Variants in TMPRSS15 observed in about 807,000 individuals in gnomAD.
TMPRSS15 encodes the protein enteropeptidase.
TMPRSS15 carries 128 observed loss-of-function variants against 125.3 expected under a neutral mutation model. The ratio of observed to expected loss-of-function variants is 1.02; its 90% confidence interval spans 0.89 to 1.18. TMPRSS15 has a LOEUF of 1.18. Ranked by LOEUF, TMPRSS15 falls within the 50% of genes most tolerant of loss-of-function variation. The pLI is 0.00. For synonymous variants in TMPRSS15, 446 were observed against 423.2 expected, an observed-to-expected ratio of 1.05 and a Z score of -0.66; for missense variants, 1,283 against 1,212.7, an observed-to-expected ratio of 1.06 and a Z score of -0.86.
chr21:18,306,526 A>G lies in TMPRSS15; in HGVS notation c.2165+6419T>C, dbSNP rs188667739. Among the ~76,000 whole-genome samples, 133 of 152,314 alleles carry G rather than the reference A, an allele frequency of 8.7e-4. 1 individual carries two copies. Among genetic ancestry groups the G allele is most frequent in the African/African-American group, 3.2e-3 (132 of 41,578 alleles). On this transcript the variant is annotated intron_variant, in intron 18 of 24. Transcript: ENST00000284885. ...GCTCAATTTGATGTTCCTGATATTT[A>G]GAAGTATCTTGGACAGGACTAATAT...
At chr21:18,430,368 T>G (rs1403089520) in intron 1 of TMPRSS15, among the ~76,000 whole-genome samples, 4 of 152,164 alleles carry the variant, frequency 2.6e-5, no homozygotes, top group Admixed American at 2.0e-4. Context: ...CCTTGGGTAA[T>G]TTTATGTTGC....
chr21:18,279,027 T>G lies in TMPRSS15; in HGVS notation c.2701A>C (p.Asn901His). 1 of 1,602,274 alleles carries G rather than the reference T, an allele frequency of 6.2e-7. No homozygotes were observed. The highest frequency in any genetic ancestry group is 8.5e-7 in the Non-Finnish European group (1 of 1,171,634). The change falls in exon 23 of 25, where the codon AAT becomes CAT. Residue 901 changes from asparagine (N) to histidine (H), a missense_variant. By Grantham distance (68) the Asn-to-His change is moderately conservative. Transcript: ENST00000284885. ...TTTCTTCCTGGAGGAAAAACTTGAT[T>G]TTCTTCCGGTAAACAAATAGGTTGT... Reference protein sequence around the residue: ...YIQPICLPEENQVFPPGRNCS... With the variant: ...YIQPICLPEEHQVFPPGRNCS...
intron 8 of TMPRSS15, among the ~76,000 whole-genome samples, chr21:18,359,363 T>TA (rs1199152213): frequency 2.6e-5 from 4 of 152,084 alleles, no homozygotes; most frequent in East Asian, 3.9e-4. Context: ...AGGATGAACA[T>TA]AAAAAATGAC....
chr21:18,407,766 A>G (rs1329670801), upstream of TMPRSS15, among the ~76,000 whole-genome samples: 3 of 152,210 alleles, frequency 2.0e-5, no homozygotes, highest in Non-Finnish European at 4.4e-5. Context: ...GGAGAATAAG[A>G]TAATTATTTT....
chr21:18,443,577 C>T (rs992326545), intron 1 of TMPRSS15, among the ~76,000 whole-genome samples: 1 of 152,326 alleles, frequency 6.6e-6, no homozygotes, highest in Admixed American at 6.5e-5. Context: ...CCTCTACAAG[C>T]CTTGTGCCCT....
intron 18 of TMPRSS15, among the ~76,000 whole-genome samples, chr21:18,309,252 TAACTC>T (rs1568997975): frequency 6.6e-6 from 1 of 151,918 alleles, no homozygotes; most frequent in Non-Finnish European, 1.5e-5. Flanking sequence ...ATACAAAAAT[TAACTC>T]AAGATGGATT....
intron 1 of TMPRSS15, among the ~76,000 whole-genome samples, chr21:18,458,617 C>T (rs1344078771): frequency 2.0e-5 from 3 of 152,128 alleles, no homozygotes; most frequent in Non-Finnish European, 4.4e-5. Flanking sequence ...AGAGATGAGC[C>T]TGTCACTAAC....
chr21:18,444,252 G>T (rs2076249994), intron 1 of TMPRSS15, among the ~76,000 whole-genome samples: 1 of 152,166 alleles, frequency 6.6e-6, no homozygotes, highest in South Asian at 2.1e-4. Context: ...ATTAACGGAA[G>T]ACTGGATAAA....
intron 21 of TMPRSS15, among the ~76,000 whole-genome samples, chr21:18,289,006 A>G (rs10222073): frequency 0.81 from 122,461 of 151,986 alleles, 49,567 homozygotes; most frequent in Non-Finnish European, 0.83. Context: ...TTTTAGGATA[A>G]GTTTAAGAAG....
intron 5 of TMPRSS15, among the ~76,000 whole-genome samples, chr21:18,373,590 A>C (rs988090162): frequency 6.6e-6 from 1 of 152,218 alleles, no homozygotes; most frequent in Non-Finnish European, 1.5e-5. Context: ...TTTATAAATA[A>C]ATAAACCAAA....
chr21:18,419,096 T>C (rs9977336), intron 1 of TMPRSS15, among the ~76,000 whole-genome samples: 15,209 of 152,224 alleles, frequency 0.1, 1,735 homozygotes, highest in African/African-American at 0.28. Flanking sequence ...TATCTAATAG[T>C]TGCTGAAGCA....
At chr21:18,335,573 C>T (rs2824747) in intron 13 of TMPRSS15, among the ~76,000 whole-genome samples, 27,042 of 152,128 alleles carry the variant, frequency 0.18, 2,548 homozygotes, top group African/African-American at 0.25. Context: ...AAAATGCATC[C>T]CTTTAAAATA....
chr21:18,403,460 C>A lies in TMPRSS15; in HGVS notation c.145+18G>T. ...TTCAGCTGAGAGCACCTTCACGAGC[C>A]AACTCCATGTGACTTACCTCGTTGG... On this transcript the variant is annotated intron_variant, in intron 1 of 24. Coordinates refer to ENST00000284885, the MANE Select transcript of TMPRSS15 (RefSeq NM_002772.3). The A allele has an allele frequency of 6.2e-7, 1 of 1,614,062 alleles. No homozygotes were observed. The highest frequency in any genetic ancestry group is 1.3e-5 in the African/African-American group (1 of 75,034).
At chr21:18,374,479 C>A (rs1232186313) in intron 5 of TMPRSS15, among the ~76,000 whole-genome samples, 45 of 59,914 alleles carry the variant, frequency 7.5e-4, no homozygotes, top group South Asian at 1.9e-3. Flanking sequence ...GACTCCGTCT[C>A]AAAAAAAAAA....
intron 1 of TMPRSS15, among the ~76,000 whole-genome samples, chr21:18,434,486 A>G (rs13051177): frequency 0.49 from 75,055 of 151,780 alleles, 19,068 homozygotes; most frequent in Non-Finnish European, 0.55. Context: ...ATTTCTCTTA[A>G]AGAAGATAAC....
intron 8 of TMPRSS15, among the ~76,000 whole-genome samples, chr21:18,357,721 A>G (rs527640843): frequency 1.1e-4 from 16 of 151,930 alleles, no homozygotes; most frequent in African/African-American, 3.9e-4. Flanking sequence ...TATGGGAAAT[A>G]CTGCTTGTTT....
At chr21:18,297,637 A>C in intron 19 of TMPRSS15, 97 bp downstream of exon 19, 1 of 820,698 alleles carries the variant, frequency 1.2e-6, no homozygotes, top group Non-Finnish European at 2.1e-6. Flanking sequence ...AGATTATATG[A>C]CCAGTATGTA....
At chr21:18,330,838 C>T (rs1457495676) in intron 14 of TMPRSS15, among the ~76,000 whole-genome samples, 3 of 151,828 alleles carry the variant, frequency 2.0e-5, no homozygotes, top group African/African-American at 7.3e-5. Context: ...TTTGGGAGGC[C>T]GAGAAGGGCA....
chr21:18,423,451 C>G (rs1462612274), intron 1 of TMPRSS15, among the ~76,000 whole-genome samples: 1 of 150,706 alleles, frequency 6.6e-6, no homozygotes, highest in Non-Finnish European at 1.5e-5. Context: ...CTCTGTCGCC[C>G]AGGCTGGAGT....
Sources: allele counts gnomAD v4.1 joint callset (sites outside exome capture counted in the v4.1 genomes callset), GRCh38; gene constraint gnomAD v4.1.1; transcripts MANE v1.5; gene names NCBI Gene and HGNC (gene_info 2026-07-23, HGNC 2026-07-21).